CCDC50: variants seen among roughly 807,000 people sequenced by gnomAD.
CCDC50 encodes coiled-coil domain containing 50.
Under a neutral mutation model 70.2 loss-of-function variants are expected in CCDC50, and 54 were observed. The observed-to-expected ratio is 0.77, with a 90% CI of 0.62 to 0.96. The LOEUF is 0.96. CCDC50 is among the 50% of genes least tolerant of loss of function. The pLI is 0.00. For missense variants in CCDC50, 558 were observed against 578.7 expected, an observed-to-expected ratio of 0.96 and a Z score of 0.37; for synonymous variants, 216 against 198.8, an observed-to-expected ratio of 1.09 and a Z score of -0.73.
intron 1 of CCDC50, among the ~76,000 whole-genome samples, chr3:191,340,309 T>C (rs1028089111): frequency 1.2e-4 from 18 of 152,234 alleles, no homozygotes; most frequent in Admixed American, 1.0e-3. Context: ...CCTTATATAC[T>C]ATCATAAAGT....
At chr3:191,391,069 TTAAA>T (rs1353250248) in intron 11 of CCDC50, among the ~76,000 whole-genome samples, 3 of 152,178 alleles carry the variant, frequency 2.0e-5, no homozygotes, top group Non-Finnish European at 4.4e-5. Context: ...TCATAAAAGA[TTAAA>T]TATGTGAAAG....
intron 1 of CCDC50, among the ~76,000 whole-genome samples, chr3:191,356,793 A>G (rs946038116): frequency 1.1e-4 from 17 of 152,176 alleles, no homozygotes; most frequent in African/African-American, 4.1e-4. Context: ...AGTGGATTGG[A>G]ATTTCTAGAC....
In CCDC50 at chr3:191,389,602, G is replaced by T. The variant is rs1713612137; in HGVS notation, c.1429G>T (p.Gly477Cys). The change falls in exon 11 of 12, where the codon GGT becomes TGT. Residue 477 changes from glycine to cysteine, a missense_variant and splice_region_variant. Coordinates refer to ENST00000392455, the MANE Select transcript of CCDC50 (RefSeq NM_178335.3). ...CTCAAAATCAGAGTCCTCTCATAAA[G>T]GTAAGAAGAGTATGTATGGTCAAGT... is the stretch of plus-strand genomic sequence containing the variant. ...HFSKSESSHK[G>C]FHYKH 1.2e-6 allele frequency: 2 copies of T among 1,606,592 alleles called. No homozygotes were observed. The highest frequency in any genetic ancestry group is 1.7e-6 in the Non-Finnish European group (2 of 1,173,206).
intron 3 of CCDC50, among the ~76,000 whole-genome samples, chr3:191,358,644 T>C (rs1258106152): frequency 1.3e-5 from 2 of 152,212 alleles, no homozygotes; most frequent in Non-Finnish European, 2.9e-5. Context: ...TGACAAAAGT[T>C]CTCTCTAGTA....
At chr3:191,356,798 C>G (rs552118114) in intron 1 of CCDC50, among the ~76,000 whole-genome samples, 1 of 152,290 alleles carries the variant, frequency 6.6e-6, no homozygotes, top group African/African-American at 2.4e-5. Flanking sequence ...ATTGGAATTT[C>G]TAGACCTCTG....
At chr3:191,335,756 GTTCT>G (rs537865661) in intron 1 of CCDC50, among the ~76,000 whole-genome samples, 71 of 152,214 alleles carry the variant, frequency 4.7e-4, no homozygotes, top group African/African-American at 1.6e-3. Flanking sequence ...TTTATCAGTG[GTTCT>G]TTCCTTTTTC....
intron 1 of CCDC50, among the ~76,000 whole-genome samples, chr3:191,354,889 T>C (rs1413022334): frequency 6.6e-6 from 1 of 152,222 alleles, no homozygotes; most frequent in Non-Finnish European, 1.5e-5. Flanking sequence ...TCACATTGTC[T>C]GTAGATTACT....
chr3:191,329,993 T>G (rs1576942843), intron 1 of CCDC50, among the ~76,000 whole-genome samples: 1 of 148,642 alleles, frequency 6.7e-6, no homozygotes. Context: ...GCTGTGCCCG[T>G]GTTCTCGTGC....
Position 191,353,232 on chromosome 3 carries a change from C to T in CCDC50, c.50-3856C>T, listed in dbSNP as rs186064573. On this transcript the variant is annotated intron_variant, in intron 1 of 11. Transcript: ENST00000392455. Reference sequence around the variant, plus strand: ...TGGGCAGAGGGGAGAGCCTACGGGACCATTGAGATCTGGTGGGAACAAAGA... The same window carrying T: ...TGGGCAGAGGGGAGAGCCTACGGGATCATTGAGATCTGGTGGGAACAAAGA... Among the ~76,000 whole-genome samples the T allele has an allele frequency of 6.9e-4, 98 of 142,108 alleles. 18 individuals carry two copies. Among genetic ancestry groups the T allele is most frequent in the Non-Finnish European group, 1.3e-3 (82 of 62,944 alleles). The allele number at this position is 142,108 out of a possible 152,430, so 93.2% of individuals were successfully genotyped here.
chr3:191,368,714 C>A (rs569935359), intron 4 of CCDC50, among the ~76,000 whole-genome samples: 4 of 151,880 alleles, frequency 2.6e-5, no homozygotes, highest in Non-Finnish European at 2.9e-5. Flanking sequence ...TCCTTATGAA[C>A]GATAAATATA....
At chr3:191,333,892 G>A (rs1455153476) in intron 1 of CCDC50, among the ~76,000 whole-genome samples, 2 of 151,984 alleles carry the variant, frequency 1.3e-5, no homozygotes, top group African/African-American at 2.4e-5. Context: ...TTATAGGTAT[G>A]TCTTGTAAAT....
intron 4 of CCDC50, among the ~76,000 whole-genome samples, chr3:191,369,504 A>G (rs1463497664): frequency 2.6e-5 from 4 of 152,148 alleles, no homozygotes; most frequent in African/African-American, 9.7e-5. Flanking sequence ...GCAAAGCTAA[A>G]TCAAAATCTC....
chr3:191,355,350 G>A (rs73185210), intron 1 of CCDC50, among the ~76,000 whole-genome samples: 13,920 of 152,144 alleles, frequency 0.091, 691 homozygotes, highest in East Asian at 0.24. Context: ...AATTAAGTCC[G>A]TGTATGTCTT....
At chr3:191,383,655 G>T (rs1391573552) in intron 10 of CCDC50, among the ~76,000 whole-genome samples, 1 of 152,094 alleles carries the variant, frequency 6.6e-6, no homozygotes, top group African/African-American at 2.4e-5. Flanking sequence ...TCCTAGACTT[G>T]TTTCCTTCAA....
At chr3:191,361,201 G>A (rs762114896) in intron 4 of CCDC50, 42 bp downstream of exon 4, 1 of 1,470,766 alleles carries the variant, frequency 6.8e-7, no homozygotes, top group East Asian at 2.3e-5. Flanking sequence ...GGAGAAAGGG[G>A]TGCTCAGCTT....
chr3:191,378,585 AT>A (rs1489604977), intron 6 of CCDC50, among the ~76,000 whole-genome samples: 2 of 152,118 alleles, frequency 1.3e-5, no homozygotes, highest in Non-Finnish European at 2.9e-5. Context: ...ATAGCAGACT[AT>A]CTTGTCCACT....
Position 191,380,222 on chromosome 3 carries a change from A to G in CCDC50, c.1040A>G (p.Gln347Arg), listed in dbSNP as rs1713265070. ...STPSRMAHRD[Q>R]EWYDAEIARK... ...CCATCACGAATGGCCCACAGGGATC[A>G]GGAATGGTATGATGCTGAAATTGCC... Residue 347 changes from glutamine (Q) to arginine (R), a missense_variant, in exon 7 of 12, where the codon CAG becomes CGG. By Grantham distance (43) the Gln-to-Arg change is conservative (BLOSUM62 1). Transcript: ENST00000392455. 2 of 1,612,954 alleles carry G rather than the reference A, an allele frequency of 1.2e-6. No individual in the cohort carries two copies. Among genetic ancestry groups the G allele is most frequent in the South Asian group, 1.1e-5 (1 of 91,040 alleles).
Position 191,394,277 on chromosome 3 carries a change from G to A in CCDC50, c.*2517G>A, listed in dbSNP as rs1713793400. On this transcript the variant is annotated 3_prime_UTR_variant, in exon 12 of 12. Coordinates refer to ENST00000392455, the MANE Select transcript of CCDC50 (RefSeq NM_178335.3). ...CAAACACTTTTAAAATAATATCAGA[G>A]TAATTATTACCCTATGAATAAGGAG... 1 of 151,998 alleles carries A rather than the reference G, an allele frequency of 6.6e-6. No homozygotes were observed. The highest frequency in any genetic ancestry group is 2.1e-4 in the South Asian group (1 of 4,798). The allele number at this position is 151,998 out of a possible 1,614,324, so 9.4% of individuals were successfully genotyped here.
Position 191,363,969 on chromosome 3 carries a change from G to C in CCDC50, c.330+2810G>C, listed in dbSNP as rs576839637. ...ATTTATTTTAGTCTGTTGGTAACAG[G>C]GTGCCTGAAAGGGAGAGGAAACTAA... On this transcript the variant is annotated intron_variant, in intron 4 of 11. Transcript: ENST00000392455. Among the ~76,000 whole-genome samples, 36 of 152,234 alleles carry C rather than the reference G, an allele frequency of 2.4e-4. No individual in the cohort carries two copies. The South Asian group carries it at 7.2e-3, about 31-fold the overall frequency.
Sources: gnomAD v4.1 joint callset for allele counts (sites outside exome capture counted in the v4.1 genomes callset) on GRCh38, gnomAD v4.1.1 for gene constraint, MANE v1.5 for transcripts, NCBI Gene and HGNC (gene_info 2026-07-23, HGNC 2026-07-21) for gene names.